The following SBF2 variants were observed in gnomAD, a reference collection of about 807,000 sequenced individuals.
SBF2 encodes the protein SET binding factor 2.
A neutral mutation model predicts 225.2 loss-of-function variants in SBF2; 112 were observed. That is an observed-to-expected ratio of 0.50 (90% CI 0.43 to 0.58). The LOEUF (loss-of-function observed/expected upper bound fraction) is 0.58, where lower values mean the gene tolerates loss of function less well. SBF2 is among the 20% of genes least tolerant of loss of function. SBF2 has a pLI of 0.00. For synonymous variants in SBF2, 763 were observed against 773.3 expected (o/e 0.99, Z 0.22); for missense variants, 1,996 against 2,206.2 (o/e 0.90, Z 1.91).
intron 17 of SBF2, among the ~76,000 whole-genome samples, chr11:9,867,994 T>C (rs1008924653): frequency 2.0e-5 from 3 of 152,156 alleles, no homozygotes; most frequent in Admixed American, 2.0e-4. Context: ...TATTTCAGAA[T>C]AGCTAGATTT....
At chr11:10,118,823 C>A (rs1953291080) in intron 2 of SBF2, among the ~76,000 whole-genome samples, 1 of 151,110 alleles carries the variant, frequency 6.6e-6, no homozygotes, top group African/African-American at 2.4e-5. Context: ...TGGTATACAC[C>A]CTCTATCTCT....
chr11:10,189,396 G>T (rs540584568), intron 2 of SBF2, among the ~76,000 whole-genome samples: 6 of 152,236 alleles, frequency 3.9e-5, no homozygotes, highest in African/African-American at 1.4e-4. Context: ...ATGTCAGATG[G>T]ATGATTGCTA....
intron 2 of SBF2, among the ~76,000 whole-genome samples, chr11:10,057,219 T>C (rs1254031643): frequency 1.3e-5 from 2 of 152,026 alleles, no homozygotes; most frequent in African/African-American, 2.4e-5. Context: ...CCTGTTCCCA[T>C]ATCTCCTCAC....
chr11:10,193,878 T>C (rs766788331), intron 2 of SBF2, 24 bp downstream of exon 2: 3 of 1,439,144 alleles, frequency 2.1e-6, no homozygotes, highest in South Asian at 1.1e-5. Context: ...ATTATAAATA[T>C]GCAATAATAC....
At chr11:10,083,247 T>A (rs549429783) in intron 2 of SBF2, among the ~76,000 whole-genome samples, 2 of 152,062 alleles carry the variant, frequency 1.3e-5, no homozygotes, top group African/African-American at 2.4e-5. Flanking sequence ...CACAAACAAA[T>A]GTAAGAACAT....
At chr11:10,252,134 T>C (rs546336573) in intron 1 of SBF2, among the ~76,000 whole-genome samples, 1 of 152,316 alleles carries the variant, frequency 6.6e-6, no homozygotes, top group East Asian at 1.9e-4. Flanking sequence ...CATAAGGAGG[T>C]ACCCTCTACT....
At chr11:10,143,157 T>C (rs1250892150) in intron 2 of SBF2, among the ~76,000 whole-genome samples, 1 of 152,134 alleles carries the variant, frequency 6.6e-6, no homozygotes, top group Non-Finnish European at 1.5e-5. Flanking sequence ...TTTGACATTG[T>C]AGGCTCTAGT....
chr11:9,927,390 G>T lies in SBF2; in HGVS notation c.1861-31379C>A, dbSNP rs138828087. 1.8e-4 allele frequency among the ~76,000 whole-genome samples: 27 copies of T among 152,092 alleles called. No individual in the cohort carries two copies. The East Asian group carries it at 5.0e-3, about 28-fold the overall frequency. On this transcript the variant is annotated intron_variant, in intron 16 of 39. Coordinates refer to ENST00000256190, the MANE Select transcript of SBF2 (RefSeq NM_030962.4). ...ATGCACTTCCCAACTGATTTTATGA[G>T]GCCAGCAATACCCTGCTACCAAAAC...
intron 1 of SBF2, among the ~76,000 whole-genome samples, chr11:10,281,152 T>A (rs920405603): frequency 5.9e-5 from 9 of 152,090 alleles, no homozygotes; most frequent in Non-Finnish European, 1.0e-4. Context: ...ATAAATAATT[T>A]AAAAATTCAT....
At position 9,852,666 on chromosome 11, in the gene SBF2, C is replaced by T; in HGVS notation, c.2610+10G>A. 6.2e-7 allele frequency: 1 copy of T among 1,602,390 alleles called. No homozygotes were observed. The highest frequency in any genetic ancestry group is 8.6e-7 in the Non-Finnish European group (1 of 1,169,420). On this transcript the variant is annotated intron_variant, in intron 21 of 39. Transcript: ENST00000256190. ...AGGCTATACCCTGAAAGCATGTAGTCTGGAATTACCTTCTGAATAGGCGGA... is the reference window on the plus strand; with the variant it reads ...AGGCTATACCCTGAAAGCATGTAGTTTGGAATTACCTTCTGAATAGGCGGA...
chr11:9,980,128 G>A (rs1946881823), intron 13 of SBF2, among the ~76,000 whole-genome samples: 1 of 151,076 alleles, frequency 6.6e-6, no homozygotes, highest in East Asian at 2.0e-4. Flanking sequence ...TTACAGGCAC[G>A]TGCCACCATG....
intron 1 of SBF2, among the ~76,000 whole-genome samples, chr11:10,292,535 C>T (rs956870213): frequency 6.6e-6 from 1 of 151,910 alleles, no homozygotes; most frequent in Non-Finnish European, 1.5e-5. Context: ...CAAAAATTAG[C>T]GGGCGTGTTG....
chr11:10,194,936 C>T (rs1316224931), intron 1 of SBF2, among the ~76,000 whole-genome samples: 1 of 152,136 alleles, frequency 6.6e-6, no homozygotes, highest in Non-Finnish European at 1.5e-5. Flanking sequence ...AAATTAATCC[C>T]AAATTGAAAT....
Position 10,268,252 on chromosome 11 carries a change from AT to A in SBF2, c.55+25762del, listed in dbSNP as rs1280098147. ...CAAGCAGATGTCATTAACTATACAG[AT>A]TTTTTTTTCCACTTAAAAACTTGCC... On this transcript the variant is annotated intron_variant, in intron 1 of 39. Transcript: ENST00000256190. Among the ~76,000 whole-genome samples, 41 of 151,884 alleles carry A rather than the reference AT, an allele frequency of 2.7e-4. No individual in the cohort carries two copies. The East Asian group carries it at 3.5e-3, about 13-fold the overall frequency.
At chr11:9,829,680 C>T (rs1855271207) in intron 27 of SBF2, 184 bp from the exon 28 acceptor site, 1 of 586,188 alleles carries the variant, frequency 1.7e-6, no homozygotes, top group Non-Finnish European at 3.0e-6. Context: ...GGCTAATCCT[C>T]CACTGTAATG....
chr11:9,968,301 A>G, intron 14 of SBF2, 40 bp downstream of exon 14: 1 of 1,579,318 alleles, frequency 6.3e-7, no homozygotes, highest in Non-Finnish European at 8.7e-7. Context: ...TTACATCCTT[A>G]TAAACAGTTT....
intron 2 of SBF2, among the ~76,000 whole-genome samples, chr11:10,138,035 A>AT (rs548503777): frequency 6.6e-5 from 10 of 151,052 alleles, no homozygotes; most frequent in Non-Finnish European, 1.5e-4. Flanking sequence ...ATAAATTTCT[A>AT]TTTTTTTGGA....
chr11:10,187,982 T>G (rs1055009479), intron 2 of SBF2, among the ~76,000 whole-genome samples: 1 of 152,124 alleles, frequency 6.6e-6, no homozygotes, highest in African/African-American at 2.4e-5. Context: ...ATTAAAATAT[T>G]AACAGATGAT....
intron 1 of SBF2, among the ~76,000 whole-genome samples, chr11:10,265,364 T>C (rs1222808558): frequency 6.6e-6 from 1 of 152,074 alleles, no homozygotes; most frequent in Non-Finnish European, 1.5e-5. Flanking sequence ...CATATGCATG[T>C]TGGCTGCATA....
Sources: allele counts gnomAD v4.1 joint callset (sites outside exome capture counted in the v4.1 genomes callset), GRCh38; gene constraint gnomAD v4.1.1; transcripts MANE v1.5; gene names NCBI Gene and HGNC (gene_info 2026-07-23, HGNC 2026-07-21).